Variants in ZBTB40 observed in about 807,000 individuals in gnomAD.
ZBTB40 encodes the protein zinc finger and BTB domain-containing protein 40.
Under a neutral mutation model 117.5 loss-of-function variants are expected in ZBTB40, and 60 were observed. That is an observed-to-expected ratio of 0.51 (90% confidence interval 0.41 to 0.63). The LOEUF (loss-of-function observed/expected upper bound fraction) is 0.63, where lower values mean the gene tolerates loss of function less well. Ranked by LOEUF, ZBTB40 falls within the 30% of genes least tolerant of loss-of-function variation. The pLI, the probability that ZBTB40 is intolerant of heterozygous loss-of-function variation, is 0.00. For missense variants in ZBTB40, 1,287 were observed against 1,498.5 expected (o/e 0.86, Z 2.33); for synonymous variants, 525 against 577.1 (o/e 0.91, Z 1.29).
intron 12 of ZBTB40, among the ~76,000 whole-genome samples, chr1:22,517,007 G>A (rs1298671984): frequency 3.3e-5 from 5 of 152,098 alleles, no homozygotes; most frequent in Non-Finnish European, 7.3e-5. Flanking sequence ...AGTAGAGTGC[G>A]CTCTTCCATA....
At chr1:22,490,752 A>C (rs1244645586) in intron 2 of ZBTB40, 107 bp downstream of exon 2, 4 of 1,311,478 alleles carry the variant, frequency 3.0e-6, no homozygotes, top group Non-Finnish European at 4.3e-6. Flanking sequence ...TAGAAAACCA[A>C]AATTCAGTGC....
chr1:22,457,324 A>G (rs1453546966), intron 1 of ZBTB40, among the ~76,000 whole-genome samples: 3 of 152,222 alleles, frequency 2.0e-5, no homozygotes, highest in Non-Finnish European at 4.4e-5. Flanking sequence ...AAGGCAATTC[A>G]TAAATGTAAT....
chr1:22,460,811 T>C (rs1641112765), intron 1 of ZBTB40, among the ~76,000 whole-genome samples: 2 of 152,182 alleles, frequency 1.3e-5, no homozygotes, highest in Admixed American at 6.5e-5. Context: ...CAAGACCCAC[T>C]CTTCAAACTA....
intron 3 of ZBTB40, among the ~76,000 whole-genome samples, chr1:22,497,611 A>G (rs1638813799): frequency 6.6e-6 from 1 of 152,234 alleles, no homozygotes; most frequent in Admixed American, 6.5e-5. Context: ...ACCAGTCTTT[A>G]TATTCATTGA....
chr1:22,435,469 C>A (rs1425220617), intron 1 of ZBTB40, among the ~76,000 whole-genome samples: 1 of 152,126 alleles, frequency 6.6e-6, no homozygotes, highest in Non-Finnish European at 1.5e-5. Flanking sequence ...CCTTCCCCCA[C>A]ATCTCTCTCT....
At chr1:22,498,433 AACTGCTGTAGTGTTGGC>A (rs1312368911) in intron 3 of ZBTB40, among the ~76,000 whole-genome samples, 1 of 152,230 alleles carries the variant, frequency 6.6e-6, no homozygotes, top group Non-Finnish European at 1.5e-5. Flanking sequence ...CTGATGGAGT[AACTGCTGTAGTGTTGGC>A]ACTGGTGTAG....
chr1:22,501,711 T>C, intron 4 of ZBTB40, 27 bp downstream of exon 4: 1 of 1,608,216 alleles, frequency 6.2e-7, no homozygotes, highest in Middle Eastern at 2.0e-4. Flanking sequence ...TGCATTGGAA[T>C]GGCAGGGTTT....
intron 3 of ZBTB40, among the ~76,000 whole-genome samples, chr1:22,496,883 T>G (rs1638791656): frequency 6.6e-6 from 1 of 152,184 alleles, no homozygotes; most frequent in Non-Finnish European, 1.5e-5. Flanking sequence ...CGTCTGTACC[T>G]TGAGGAGCAA....
chr1:22,521,924 G>A (rs1352426542), intron 15 of ZBTB40, among the ~76,000 whole-genome samples: 1 of 152,188 alleles, frequency 6.6e-6, no homozygotes, highest in Non-Finnish European at 1.5e-5. Flanking sequence ...AAGGGTGTCA[G>A]CCTCAGTGGT....
At chr1:22,461,483 A>G (rs1641131884) in intron 1 of ZBTB40, among the ~76,000 whole-genome samples, 1 of 152,026 alleles carries the variant, frequency 6.6e-6, no homozygotes, top group African/African-American at 2.4e-5. Context: ...TTTTTTTGTT[A>G]GCTCCTTAAG....
chr1:22,435,808 A>C (rs185463366), intron 1 of ZBTB40, among the ~76,000 whole-genome samples: 1 of 152,302 alleles, frequency 6.6e-6, no homozygotes. Context: ...TAATACATAC[A>C]TATGACAAAG....
chr1:22,444,720 C>G (rs1640769569), intron 1 of ZBTB40, among the ~76,000 whole-genome samples: 1 of 152,194 alleles, frequency 6.6e-6, no homozygotes. Context: ...GCAGACAGCC[C>G]ACCCCAATGG....
At chr1:22,469,967 C>T (rs1345385430) in intron 1 of ZBTB40, among the ~76,000 whole-genome samples, 1 of 152,124 alleles carries the variant, frequency 6.6e-6, no homozygotes, top group East Asian at 1.9e-4. Context: ...GAATTTTAAT[C>T]AACATTCGAA....
At chr1:22,502,741 C>T (rs549206035) in intron 5 of ZBTB40, among the ~76,000 whole-genome samples, 27 of 151,942 alleles carry the variant, frequency 1.8e-4, no homozygotes, top group East Asian at 7.7e-4. Context: ...ACGGATGGAC[C>T]GATGGACAGA....
At position 22,512,948 on chromosome 1, in the gene ZBTB40, A is replaced by G. The variant is rs1369486705; in HGVS notation, c.2486A>G (p.Glu829Gly). 1.2e-6 allele frequency: 2 copies of G among 1,614,124 alleles called. No individual in the cohort carries two copies. The highest frequency in any genetic ancestry group is 1.7e-5 in the Admixed American group (1 of 60,010). Residue 829 changes from glutamate (E) to glycine (G), a missense_variant, in exon 12 of 18, where the codon GAG (glutamate) becomes GGG (glycine). This residue lies in a region of ZBTB40 where 417 missense variants were observed against 564.1 expected (regional missense o/e 0.74). Coordinates refer to ENST00000375647, the MANE Select transcript of ZBTB40 (RefSeq NM_014870.4). ...GGCATGCAGTACCATAAGCTGACAGAGCACTTCGATGAGAAGCCTTTCTCC... is the reference window on the plus strand; with the variant it reads ...GGCATGCAGTACCATAAGCTGACAGGGCACTTCGATGAGAAGCCTTTCTCC... ...ASGMQYHKLT[E>G]HFDEKPFSCE... is the part of the protein sequence containing the mutation.
intron 3 of ZBTB40, among the ~76,000 whole-genome samples, chr1:22,495,755 A>G (rs1416544784): frequency 1.3e-5 from 2 of 152,160 alleles, no homozygotes; most frequent in Non-Finnish European, 2.9e-5. Flanking sequence ...CAGGTGATCC[A>G]TCCACCCGCC....
At chr1:22,467,506 G>A (rs1175048995) in intron 1 of ZBTB40, among the ~76,000 whole-genome samples, 6 of 152,058 alleles carry the variant, frequency 3.9e-5, no homozygotes, top group African/African-American at 1.2e-4. Context: ...ACAGAGTCTC[G>A]CTGTGTCACC....
rs1639225523 is a variant in ZBTB40, at chr1:22,511,308, C to T, written c.1963C>T (p.Pro655Ser). The change falls in exon 10 of 18, where the codon CCA (proline) becomes TCA (serine). Residue 655 changes from proline (P) to serine (S), a missense_variant. Physicochemically the swap from Pro to Ser is moderately conservative, Grantham distance 74. Around this residue, in one of 2 missense-constraint regions of ZBTB40, gnomAD observed 870 missense variants for 934.4 expected, o/e 0.93. Coordinates refer to ENST00000375647, the MANE Select transcript of ZBTB40 (RefSeq NM_014870.4). ...CCTGTGCAGTGTCCACAAATCTTTT[C>T]CAGGCCTGCAGCCTGTCATGCAGGA... ...HLLCSVHKSFPGLQPVMQELA... is the reference protein window; with the variant it reads ...HLLCSVHKSFSGLQPVMQELA... The T allele has an allele frequency of 1.9e-6, 3 of 1,613,966 alleles. No individual in the cohort carries two copies. The African/African-American group carries it at 4.0e-5, about 22-fold the overall frequency.
At position 22,529,002 on chromosome 1, in the gene ZBTB40, A is replaced by G. The variant is rs1639758063; in HGVS notation, c.*2606A>G. The G allele has an allele frequency of 1.3e-5, 2 of 152,304 alleles. No individual in the cohort carries two copies. Among genetic ancestry groups the G allele is most frequent in the Admixed American group, 6.5e-5 (1 of 15,274 alleles). 9.4% of individuals were successfully genotyped at this position (152,304 alleles called of 1,614,324 possible). On this transcript the variant is annotated 3_prime_UTR_variant, in exon 18 of 18. Coordinates refer to ENST00000375647, the MANE Select transcript of ZBTB40 (RefSeq NM_014870.4). ...CACAAACCCAGTGCTGGTTCTCATC[A>G]AGAAAGAGGGGAAGGCCCTTCCCGA...
Sources: gnomAD v4.1 joint callset for allele counts (sites outside exome capture counted in the v4.1 genomes callset) on GRCh38, gnomAD v4.1.1 for gene constraint, gnomAD v4.1.1 regional missense constraint, MANE v1.5 for transcripts, NCBI Gene and HGNC (gene_info 2026-07-23, HGNC 2026-07-21) for gene names.